The following TCF12 variants were observed in gnomAD, a reference collection of about 807,000 sequenced individuals.
The protein encoded by TCF12 is transcription factor 12.
TCF12 carries 45 observed loss-of-function variants against 86.0 expected under a neutral mutation model. That is an observed-to-expected ratio of 0.52 (90% CI 0.41 to 0.67). TCF12 has a LOEUF of 0.67. Among genes scored for constraint, TCF12 ranks in the 30% least tolerant of loss-of-function variants. TCF12 has a pLI of 0.00. For synonymous variants in TCF12, 330 were observed against 299.6 expected (o/e 1.10, Z -1.05); for missense variants, 881 against 859.9 (o/e 1.02, Z -0.31).
chr15:57,069,637 A>C (rs1188402011), intron 4 of TCF12, among the ~76,000 whole-genome samples: 1 of 152,104 alleles, frequency 6.6e-6, no homozygotes, highest in East Asian at 1.9e-4. Context: ...CTGTATGTAG[A>C]GATTTGGCTA....
intron 5 of TCF12, among the ~76,000 whole-genome samples, chr15:57,142,832 T>G (rs951552061): frequency 4.6e-5 from 7 of 152,302 alleles, no homozygotes; most frequent in Non-Finnish European, 8.8e-5. Context: ...GTGTTACTCT[T>G]TCCAATCTAA....
chr15:57,083,068 G>A (rs1256492694), intron 4 of TCF12, among the ~76,000 whole-genome samples: 1 of 152,034 alleles, frequency 6.6e-6, no homozygotes, highest in East Asian at 1.9e-4. Context: ...ATACTATTTA[G>A]AAACATAAAA....
intron 3 of TCF12, among the ~76,000 whole-genome samples, chr15:57,053,922 G>A (rs1567327669): frequency 6.6e-6 from 1 of 152,170 alleles, no homozygotes; most frequent in Admixed American, 6.5e-5. Flanking sequence ...GAGCCTGCTG[G>A]GTGTGTGGCA....
chr15:56,952,491 C>A (rs537571946), intron 3 of TCF12, among the ~76,000 whole-genome samples: 1 of 151,994 alleles, frequency 6.6e-6, no homozygotes, highest in East Asian at 1.9e-4. Flanking sequence ...GAATTGACAT[C>A]GTAATAGGGT....
At chr15:56,919,860 G>A in intron 1 of TCF12, 32 bp from the exon 2 acceptor site, 2 of 1,599,034 alleles carry the variant, frequency 1.3e-6, no homozygotes, top group Non-Finnish European at 1.7e-6. Context: ...GGCCTCGGTG[G>A]TCTCTCGCTG....
At chr15:57,124,673 T>C (rs2051501299) in intron 5 of TCF12, among the ~76,000 whole-genome samples, 1 of 152,016 alleles carries the variant, frequency 6.6e-6, no homozygotes, top group Non-Finnish European at 1.5e-5. Flanking sequence ...CTCAAAAATA[T>C]TTCTTTTTTC....
intron 6 of TCF12, among the ~76,000 whole-genome samples, chr15:57,181,901 T>C (rs1567581087): frequency 2.6e-5 from 4 of 152,184 alleles, no homozygotes; most frequent in Non-Finnish European, 4.4e-5. Flanking sequence ...TTAGATATAT[T>C]TTTCACAGAG....
intron 8 of TCF12, chr15:57,219,694 T>C (rs2058491434): frequency 1.9e-6 from 2 of 1,033,944 alleles, no homozygotes; most frequent in Non-Finnish European, 2.8e-6. Flanking sequence ...TTTATCCTTT[T>C]ATGCAATGTA....
chr15:56,951,995 C>G (rs2061297017), intron 3 of TCF12, among the ~76,000 whole-genome samples: 1 of 151,862 alleles, frequency 6.6e-6, no homozygotes, highest in South Asian at 2.1e-4. Flanking sequence ...GGTCTGTGAT[C>G]CATTTTGAGT....
chr15:57,027,585 C>T (rs2065898277), intron 3 of TCF12, among the ~76,000 whole-genome samples: 1 of 151,794 alleles, frequency 6.6e-6, no homozygotes, highest in Admixed American at 6.6e-5. Flanking sequence ...AGAGGAATTG[C>T]CAGGTCACAT....
At chr15:57,017,725 T>C (rs1348453156) in intron 3 of TCF12, among the ~76,000 whole-genome samples, 1 of 126,354 alleles carries the variant, frequency 7.9e-6, no homozygotes, top group African/African-American at 2.5e-5. Flanking sequence ...TAATTTTCTT[T>C]CTTTTTTTTT....
intron 5 of TCF12, among the ~76,000 whole-genome samples, chr15:57,121,296 A>G (rs1180086722): frequency 6.6e-6 from 1 of 152,194 alleles, no homozygotes; most frequent in East Asian, 1.9e-4. Context: ...TGTTTTCTAA[A>G]TATGAATTCG....
Position 57,170,391 on chromosome 15 carries a change from A to C in TCF12, c.390+3925A>C, listed in dbSNP as rs1182840674. Among the ~76,000 whole-genome samples the C allele has an allele frequency of 8.6e-5, 13 of 151,482 alleles. 1 individual carries two copies. The Admixed American group carries it at 8.6e-4, about 10-fold the overall frequency. ...GTTTAGAGTCAAGAGACCTAGGTTC[A>C]AGTCTCATCTCTACATTGATTTCTT... On this transcript the variant is annotated intron_variant, in intron 6 of 20. Transcript: ENST00000333725.
intron 16 of TCF12, among the ~76,000 whole-genome samples, chr15:57,259,436 C>T (rs1022075038): frequency 3.3e-5 from 5 of 152,116 alleles, no homozygotes; most frequent in Non-Finnish European, 7.3e-5. Flanking sequence ...CCAGTTTGTC[C>T]CTCAATTCAC....
chr15:57,040,359 T>C (rs1259969231), intron 3 of TCF12, among the ~76,000 whole-genome samples: 1 of 152,220 alleles, frequency 6.6e-6, no homozygotes. Context: ...AAAAAGTAAA[T>C]TGATCTTATT....
intron 3 of TCF12, among the ~76,000 whole-genome samples, chr15:57,039,353 CT>C (rs2141430770): frequency 6.6e-6 from 1 of 152,266 alleles, no homozygotes; most frequent in South Asian, 2.1e-4. Context: ...ATTTCTGAGG[CT>C]CCGTGAAATA....
chr15:57,234,384 G>A (rs1305980474), intron 12 of TCF12, among the ~76,000 whole-genome samples: 1 of 152,118 alleles, frequency 6.6e-6, no homozygotes, highest in Non-Finnish European at 1.5e-5. Context: ...TTAGTAAGTG[G>A]TCCATTAAAA....
intron 11 of TCF12, 117 bp from the exon 12 acceptor site, chr15:57,233,926 A>C (rs1472985419): frequency 2.6e-6 from 2 of 763,240 alleles, no homozygotes; most frequent in Non-Finnish European, 4.6e-6. Context: ...AGTATTTCCT[A>C]GTTTACTGTA....
intron 3 of TCF12, among the ~76,000 whole-genome samples, chr15:56,948,849 T>C (rs1433645657): frequency 6.6e-6 from 1 of 151,046 alleles, no homozygotes; most frequent in African/African-American, 2.4e-5. Context: ...CTTACTGTTT[T>C]CCCTGGTAAG....
Sources: gnomAD v4.1 joint callset for allele counts (sites outside exome capture counted in the v4.1 genomes callset) on GRCh38, gnomAD v4.1.1 for gene constraint, MANE v1.5 for transcripts, NCBI Gene and HGNC (gene_info 2026-07-23, HGNC 2026-07-21) for gene names.